The following PAM16 variants were observed in gnomAD, a reference collection of about 807,000 sequenced individuals.
The protein encoded by PAM16 is presequence translocase associated motor 16.
In PAM16, 11 loss-of-function variants were observed where a neutral mutation model predicts 17.9. The observed-to-expected ratio is 0.62, with a 90% CI of 0.39 to 1.02. The LOEUF is 1.02. PAM16 is among the 50% of genes least tolerant of loss of function. PAM16 has a pLI of 0.01. For synonymous variants in PAM16, 72 were observed against 67.4 expected, an observed-to-expected ratio of 1.07 and a Z score of -0.34; for missense variants, 199 against 165.4, an observed-to-expected ratio of 1.20 and a Z score of -1.11.
intron 1 of PAM16, 47 bp from the exon 2 acceptor site, chr16:4,343,338 C>A: frequency 1.9e-6 from 3 of 1,562,588 alleles, no homozygotes; most frequent in Non-Finnish European, 2.6e-6. Flanking sequence ...CCCTGTGGGC[C>A]CACAGAGATG....
chr16:4,340,921 T>C lies in PAM16; in HGVS notation c.290A>G (p.Lys97Arg). Residue 97 changes from lysine (K) to arginine (R), a missense_variant and splice_region_variant, in exon 4 of 5, where the codon AAG becomes AGG. Coordinates refer to ENST00000318059, the MANE Select transcript of PAM16 (RefSeq NM_016069.11). Reference sequence around the variant, plus strand: ...CTCCCAGAATCAAAGACCACTCACCTTTGACTGCAGGTAGAAGGAGCCACC... The same window carrying C: ...CTCCCAGAATCAAAGACCACTCACCCTTGACTGCAGGTAGAAGGAGCCACC... Reference protein sequence around the residue: ...SVGGSFYLQSKVVRAKERLDE... With the variant: ...SVGGSFYLQSRVVRAKERLDE... 1 of 1,613,548 alleles carries C rather than the reference T, an allele frequency of 6.2e-7. No homozygotes were observed. Among genetic ancestry groups the C allele is most frequent in the Non-Finnish European group, 8.5e-7 (1 of 1,179,954 alleles).
rs1257513393 is a variant in PAM16, at chr16:4,351,237, C to A, written c.-3G>T. ...GCGCCCGACTCGGGGCTCACCATGGCAGCCGCTCTGCCTCCGGGGCTCAAA... is the reference window on the plus strand; with the variant it reads ...GCGCCCGACTCGGGGCTCACCATGGAAGCCGCTCTGCCTCCGGGGCTCAAA... On this transcript the variant is annotated 5_prime_UTR_variant, in exon 1 of 5. Transcript: ENST00000318059. The A allele has an allele frequency of 1.9e-5, 28 of 1,465,768 alleles. No individual in the cohort carries two copies. Among genetic ancestry groups the A allele is most frequent in the Non-Finnish European group, 2.4e-5 (27 of 1,102,894 alleles). The allele number at this position is 1,465,768 out of a possible 1,614,324, so 90.8% of individuals were successfully genotyped here. A position where few individuals can be genotyped will look rare whatever the true frequency, so the allele number is the denominator to read the frequency against.
intron 1 of PAM16, 70 bp from the exon 2 acceptor site, chr16:4,343,361 G>A (rs1015807442): frequency 2.6e-5 from 40 of 1,536,678 alleles, no homozygotes; most frequent in African/African-American, 1.5e-4. Flanking sequence ...CCCTGGAAAC[G>A]GCTGCCGAGG....
At chr16:4,348,223 T>G (rs1387618928) in intron 1 of PAM16, 7 of 152,372 alleles carry the variant, frequency 4.6e-5, no homozygotes, top group African/African-American at 1.4e-4. Flanking sequence ...GTGCCCCTGG[T>G]GCATCTGAAT....
chr16:4,349,522 G>C (rs2053813782), intron 1 of PAM16, among the ~76,000 whole-genome samples: 1 of 152,154 alleles, frequency 6.6e-6, no homozygotes, highest in Non-Finnish European at 1.5e-5. Context: ...AGGAGGTTGA[G>C]GCTGCAGTGA....
chr16:4,345,825 C>A (rs965135903), intron 1 of PAM16: 3 of 985,016 alleles, frequency 3.0e-6, no homozygotes, highest in East Asian at 2.3e-4. Context: ...CCGAGTGGAA[C>A]AGGAGGCTCA....
chr16:4,345,873 A>G (rs2053750320), intron 1 of PAM16: 4 of 985,200 alleles, frequency 4.1e-6, no homozygotes, highest in East Asian at 1.1e-4. Context: ...GACAGAGGTG[A>G]AAGTCAGAGG....
At chr16:4,351,198 TC>T in intron 1 of PAM16, 33 bp downstream of exon 1, 3 of 1,330,504 alleles carry the variant, frequency 2.3e-6, no homozygotes, top group Non-Finnish European at 2.9e-6. Context: ...CGACTCGGCT[TC>T]CCCTCCCCGG....
At chr16:4,345,773 C>A in intron 1 of PAM16, 1 of 897,196 alleles carries the variant, frequency 1.1e-6, no homozygotes, top group Non-Finnish European at 1.3e-6. Context: ...CCTGATGACA[C>A]CTGCGGTCTC....
intron 1 of PAM16, chr16:4,351,015 C>A (rs1393279918): frequency 2.2e-5 from 7 of 324,128 alleles, no homozygotes. Context: ...GTTTGCCCGG[C>A]CTCTTCCAGG....
chr16:4,342,403 C>A (rs945925739), intron 2 of PAM16, among the ~76,000 whole-genome samples: 29 of 151,690 alleles, frequency 1.9e-4, no homozygotes, highest in Admixed American at 1.7e-3. Context: ...GCCTGTAATC[C>A]CAGTACTTCA....
At chr16:4,350,475 AT>A (rs2053833560) in intron 1 of PAM16, among the ~76,000 whole-genome samples, 1 of 151,832 alleles carries the variant, frequency 6.6e-6, no homozygotes, top group African/African-American at 2.4e-5. Flanking sequence ...ATCTCGGCTC[AT>A]TGCAACCTCT....
intron 3 of PAM16, 130 bp from the exon 4 acceptor site, chr16:4,341,115 G>A (rs950290581): frequency 6.9e-5 from 90 of 1,299,048 alleles, no homozygotes; most frequent in Non-Finnish European, 8.5e-5. Context: ...CAGCTGTTGT[G>A]GCCACTGAGA....
chr16:4,343,571 A>G, intron 1 of PAM16: 1 of 1,389,620 alleles, frequency 7.2e-7, no homozygotes, highest in Non-Finnish European at 9.3e-7. Context: ...TAGAGGAGCA[A>G]GGCAAAGTGG....
intron 1 of PAM16, among the ~76,000 whole-genome samples, chr16:4,349,250 C>T (rs902644883): frequency 2.6e-5 from 4 of 151,968 alleles, no homozygotes; most frequent in Non-Finnish European, 5.9e-5. Flanking sequence ...CCACCGTGCC[C>T]GGCCAGCACT....
chr16:4,343,749 C>T, intron 1 of PAM16: 1 of 427,942 alleles, frequency 2.3e-6, no homozygotes, highest in East Asian at 3.5e-5. Context: ...GGAAACAGAT[C>T]TGTCCTAATT....
rs57487140 is a variant in PAM16, at chr16:4,341,280, A to G, written c.225+88T>C. On this transcript the variant is annotated intron_variant, in intron 3 of 4. Transcript: ENST00000318059. ...AGCTGGGTGCAGCTGCAGCCTCCACATCGGACCTCCCTGGCCAGGCCTCCC... is the reference window on the plus strand; with the variant it reads ...AGCTGGGTGCAGCTGCAGCCTCCACGTCGGACCTCCCTGGCCAGGCCTCCC... The G allele has an allele frequency of 6.8e-3, 10,286 of 1,501,944 alleles. 616 individuals carry two copies. The African/African-American group carries it at 0.13, about 18-fold the overall frequency. 93.0% of individuals were successfully genotyped at this position (1,501,944 alleles called of 1,614,324 possible).
chr16:4,350,048 G>A (rs2053823510), intron 1 of PAM16, among the ~76,000 whole-genome samples: 1 of 152,148 alleles, frequency 6.6e-6, no homozygotes, highest in Non-Finnish European at 1.5e-5. Context: ...AGCTGCAACA[G>A]AGTCACTTGG....
rs1567230864 is a variant in PAM16, at chr16:4,344,220, GTGAGAGGAGGGGGTT to G, written c.4-944_4-930del. 2.6e-3 allele frequency: 754 copies of G among 289,910 alleles called. 37 individuals carry two copies. The highest frequency in any genetic ancestry group is 0.023 in the African/African-American group (660 of 28,450). 18.0% of individuals were successfully genotyped at this position (289,910 alleles called of 1,614,324 possible). The stretch of plus-strand genomic sequence containing the variant: ...GTTCTGTGTGAGAGGAGGGCGTTCC[GTGAGAGGAGGGGGTT>G]CCGTGAGAGGAGGGGGTTCCGTGAG... On this transcript the variant is annotated intron_variant, in intron 1 of 4. Coordinates refer to ENST00000318059, the MANE Select transcript of PAM16 (RefSeq NM_016069.11).
Sources: gnomAD v4.1 joint callset for allele counts (sites outside exome capture counted in the v4.1 genomes callset) on GRCh38, gnomAD v4.1.1 for gene constraint, MANE v1.5 for transcripts, NCBI Gene and HGNC (gene_info 2026-07-23, HGNC 2026-07-21) for gene names.